Variants in FASTKD3 observed in about 807,000 individuals in gnomAD.
The protein encoded by FASTKD3 is FAST kinase domain-containing protein 3, mitochondrial.
FASTKD3 carries 47 observed loss-of-function variants against 49.7 expected under a neutral mutation model. That is an observed-to-expected ratio of 0.95 (90% CI 0.75 to 1.21). The LOEUF (loss-of-function observed/expected upper bound fraction) is 1.21. Ranked by LOEUF, FASTKD3 falls within the 50% of genes most tolerant of loss-of-function variation. The pLI is 0.00. For synonymous variants in FASTKD3, 284 were observed against 288.6 expected (o/e 0.98, Z 0.16); for missense variants, 748 against 765.7 (o/e 0.98, Z 0.27).
chr5:7,868,657 G>T (rs999720474), intron 1 of FASTKD3, among the ~76,000 whole-genome samples: 1 of 152,146 alleles, frequency 6.6e-6, no homozygotes, highest in South Asian at 2.1e-4. Context: ...GAAGGAAAGG[G>T]TCTACTTTGT....
chr5:7,867,518 T>G lies in FASTKD3; in HGVS notation c.566A>C (p.His189Pro). Residue 189 changes from histidine (H) to proline (P), a missense_variant, in exon 2 of 7, where the codon CAT becomes CCT. His to Pro is a moderately conservative substitution (Grantham distance 77). Transcript: ENST00000264669. ...CAACAGGCTACTTTGAGGATCCACA[T>G]GCAACAGAATCAGAGCTTGCAAAGC... Reference protein sequence around the residue: ...VTALQALILLHVDPQSSLLLN... With the variant: ...VTALQALILLPVDPQSSLLLN... 1 of 1,614,264 alleles carries G rather than the reference T, an allele frequency of 6.2e-7. No homozygotes were observed. The highest frequency in any genetic ancestry group is 8.5e-7 in the Non-Finnish European group (1 of 1,180,048).
chr5:7,863,465 T>C (rs544780002), intron 3 of FASTKD3, among the ~76,000 whole-genome samples: 1 of 152,302 alleles, frequency 6.6e-6, no homozygotes, highest in South Asian at 2.1e-4. Flanking sequence ...ACAGGCTGCT[T>C]AAAGAAAATG....
chr5:7,865,700 C>T (rs2126608923), intron 3 of FASTKD3, among the ~76,000 whole-genome samples, 198 bp downstream of exon 3: 1 of 152,252 alleles, frequency 6.6e-6, no homozygotes, highest in South Asian at 2.1e-4. Context: ...AAATCTTAAA[C>T]AGCAGGAAAT....
intron 3 of FASTKD3, chr5:7,863,260 G>A (rs2126599631): frequency 9.7e-6 from 4 of 411,012 alleles, no homozygotes; most frequent in East Asian, 5.2e-5. Context: ...AAGTAAAGAA[G>A]GAAGGTAAAA....
rs941128333 is a variant in FASTKD3 at position 7,859,411 on chromosome 5, T to C, written c.*24A>G. 4.8e-6 allele frequency: 7 copies of C among 1,445,874 alleles called. No individual in the cohort carries two copies. The highest frequency in any genetic ancestry group is 6.7e-6 in the Non-Finnish European group (7 of 1,047,990). 89.6% of individuals were successfully genotyped at this position (1,445,874 alleles called of 1,614,324 possible). A position where few individuals can be genotyped will look rare whatever the true frequency, so the allele number is the denominator to read the frequency against. On this transcript the variant is annotated 3_prime_UTR_variant, in exon 7 of 7. Transcript: ENST00000264669. ...TTCCATAAAAATGCAAGTTCTTCCA[T>C]TGTTTGAGTTCTGAAGTCAGTATTC...
In FASTKD3 at chr5:7,867,558, T is replaced by A. The variant is rs200724137; in HGVS notation, c.526A>T (p.Thr176Ser). 15 of 1,614,150 alleles carry A rather than the reference T, an allele frequency of 9.3e-6. No homozygotes were observed. Among genetic ancestry groups the A allele is most frequent in the Non-Finnish European group, 1.3e-5 (15 of 1,180,058 alleles). ...GCTTGCAAAGCAGTCACTAAACTAG[T>A]GTTTGACAGCTGTGAGGGCTCCTTT... is the stretch of plus-strand genomic sequence containing the variant. Reference protein sequence around the residue: ...FEKEPSQLSNTSLVTALQALI... With the variant: ...FEKEPSQLSNSSLVTALQALI... The change falls in exon 2 of 7, where the codon ACT (threonine) becomes TCT (serine). Residue 176 changes from threonine (T) to serine (S), a missense_variant. By Grantham distance (58) the Thr-to-Ser change is moderately conservative. Coordinates refer to ENST00000264669, the MANE Select transcript of FASTKD3 (RefSeq NM_024091.4).
Position 7,868,191 on chromosome 5 carries a change from G to C in FASTKD3, c.-108C>G. 1.1e-5 allele frequency: 3 copies of C among 268,216 alleles called. No homozygotes were observed. The highest frequency in any genetic ancestry group is 1.8e-5 in the Non-Finnish European group (3 of 163,220). 16.6% of individuals were successfully genotyped at this position (268,216 alleles called of 1,614,324 possible). A position where few individuals can be genotyped will look rare whatever the true frequency, so the allele number is the denominator to read the frequency against. On this transcript the variant is annotated 5_prime_UTR_variant, in exon 2 of 7. Transcript: ENST00000264669. ...CATCAATGTTTATGAAACTACAAAC[G>C]AGTATCTGGAAAAAAAAAAAAAAAA...
chr5:7,860,951 T>C (rs1036232576), intron 6 of FASTKD3, among the ~76,000 whole-genome samples, 198 bp downstream of exon 6: 1 of 152,202 alleles, frequency 6.6e-6, no homozygotes, highest in African/African-American at 2.4e-5. Flanking sequence ...TTTGTGTACT[T>C]GTGTTCTTCC....
In FASTKD3 at chr5:7,859,469, AAC is replaced by A; in HGVS notation, c.1953_1954del (p.Gln654LysfsTer37). The A allele has an allele frequency of 2.5e-6, 4 of 1,607,616 alleles. No individual in the cohort carries two copies. Among genetic ancestry groups the A allele is most frequent in the Non-Finnish European group, 3.4e-6 (4 of 1,176,820 alleles). ...CAACCAATGAACAGTGTTTTGAGAA[AAC>A]AGTTTTCTTTGTAAATATTCCACCA... On this transcript the variant is annotated frameshift_variant, in exon 7 of 7. Coordinates refer to ENST00000264669, the MANE Select transcript of FASTKD3 (RefSeq NM_024091.4). LOFTEE classifies it low-confidence loss of function (END_TRUNC).
chr5:7,866,586 A>G, intron 2 of FASTKD3, 60 bp downstream of exon 2: 2 of 1,295,356 alleles, frequency 1.5e-6, no homozygotes, highest in South Asian at 2.9e-5. Flanking sequence ...ATGTGACTTG[A>G]AACCACTGCC....
chr5:7,863,061 A>G, intron 3 of FASTKD3, 64 bp from the exon 4 acceptor site: 1 of 1,428,816 alleles, frequency 7.0e-7, no homozygotes, highest in Non-Finnish European at 9.7e-7. Flanking sequence ...GAATAAATTG[A>G]AGGTTACCTA....
intron 2 of FASTKD3, 121 bp from the exon 3 acceptor site, chr5:7,866,104 A>G: frequency 2.8e-6 from 2 of 716,646 alleles, no homozygotes; most frequent in East Asian, 2.7e-5. Flanking sequence ...TTTAAATGAC[A>G]CTATGAAATG....
chr5:7,866,362 T>A (rs1467817013), intron 2 of FASTKD3, among the ~76,000 whole-genome samples: 1 of 151,332 alleles, frequency 6.6e-6, no homozygotes, highest in Non-Finnish European at 1.5e-5. Flanking sequence ...AGTTCTAACA[T>A]GTTAATGTGG....
intron 3 of FASTKD3, among the ~76,000 whole-genome samples, chr5:7,865,001 T>C (rs1326711165): frequency 6.6e-6 from 1 of 152,166 alleles, no homozygotes; most frequent in East Asian, 1.9e-4. Context: ...ATAAACACCA[T>C]GAAATATCAT....
rs762577451 is a variant in FASTKD3 at position 7,862,876 on chromosome 5, C to A, written c.1646G>T (p.Gly549Val). 1.2e-6 allele frequency: 2 copies of A among 1,613,842 alleles called. No individual in the cohort carries two copies. The highest frequency in any genetic ancestry group is 1.7e-6 in the Non-Finnish European group (2 of 1,179,934). ...TTTTGGAGCAAAATATAATCTTGCT[C>A]CTAAAAGGTTAGTCAGCCCAATCTT... Reference protein sequence around the residue: ...YVKIGLTNLLGARLYFAPKVL... With the variant: ...YVKIGLTNLLVARLYFAPKVL... Residue 549 changes from glycine (G) to valine (V), a missense_variant, in exon 4 of 7, where the codon GGA (glycine) becomes GTA (valine). Transcript: ENST00000264669.
rs964500031 is a variant in FASTKD3 at position 7,861,682 on chromosome 5, G to A, written c.1700-30C>T. On this transcript the variant is annotated intron_variant, in intron 4 of 6. Transcript: ENST00000264669. ...TGAGAGAAGAAAGGAAAAATTCCTC[G>A]TGTGATACCCTCACAAACACTATCT... 22 of 1,596,058 alleles carry A rather than the reference G, an allele frequency of 1.4e-5. No homozygotes were observed. The East Asian group carries it at 1.6e-4, about 11-fold the overall frequency.
chr5:7,859,490 T>G lies in FASTKD3; in HGVS notation c.1934A>C (p.Glu645Ala). ...GMLKSRRELV[E>A]YLQRKLFSQN... The stretch of plus-strand genomic sequence containing the variant: ...AGAAAACAGTTTTCTTTGTAAATAT[T>G]CCACCAATTCACGTCTTGATTTTAG... The change falls in exon 7 of 7, where the codon GAA becomes GCA. Residue 645 changes from glutamate to alanine, a missense_variant. By Grantham distance (107) the Glu-to-Ala change is moderately radical. Around this residue, in one of 3 missense-constraint regions of FASTKD3, gnomAD observed 178 missense variants for 182.2 expected, o/e 0.98. Transcript: ENST00000264669. 2 of 1,607,318 alleles carry G rather than the reference T, an allele frequency of 1.2e-6. No individual in the cohort carries two copies. Among genetic ancestry groups the G allele is most frequent in the East Asian group, 4.5e-5 (2 of 44,414 alleles).
intron 6 of FASTKD3, among the ~76,000 whole-genome samples, chr5:7,860,318 C>T (rs1746446511): frequency 1.3e-5 from 2 of 152,174 alleles, no homozygotes; most frequent in Admixed American, 1.3e-4. Flanking sequence ...GCTGAGCCCT[C>T]ACATAAGACC....
In FASTKD3 at chr5:7,859,351, G is replaced by C. The variant is rs1189505096; in HGVS notation, c.*84C>G. The C allele has an allele frequency of 9.4e-6, 7 of 745,474 alleles. No individual in the cohort carries two copies. Among genetic ancestry groups the C allele is most frequent in the Non-Finnish European group, 1.5e-5 (7 of 458,046 alleles). 46.2% of individuals were successfully genotyped at this position (745,474 alleles called of 1,614,324 possible). A position where few individuals can be genotyped will look rare whatever the true frequency, so the allele number is the denominator to read the frequency against. On this transcript the variant is annotated 3_prime_UTR_variant, in exon 7 of 7. Transcript: ENST00000264669. ...AGTCTAGAACATATTCTGCAAAGTG[G>C]CTAATTCACATTATATTTTTCTTTT...
Sources: allele counts gnomAD v4.1 joint callset (sites outside exome capture counted in the v4.1 genomes callset), GRCh38; gene constraint gnomAD v4.1.1; regional missense constraint gnomAD v4.1.1; transcripts MANE v1.5; gene names NCBI Gene and HGNC (gene_info 2026-07-23, HGNC 2026-07-21).